PLCE1: variants seen among roughly 807,000 people sequenced by gnomAD.
PLCE1 encodes 1-phosphatidylinositol 4,5-bisphosphate phosphodiesterase epsilon-1.
Under a neutral mutation model 242.8 loss-of-function variants are expected in PLCE1, and 119 were observed. The observed-to-expected ratio is 0.49, with a 90% CI of 0.42 to 0.57. The LOEUF (loss-of-function observed/expected upper bound fraction) is 0.57, where lower values mean the gene tolerates loss of function less well. Ranked by LOEUF, PLCE1 falls within the 20% of genes least tolerant of loss-of-function variation. The pLI, the probability that PLCE1 is intolerant of heterozygous loss-of-function variation, is 0.00. For missense variants in PLCE1, 2,441 were observed against 2,788.8 expected, an observed-to-expected ratio of 0.88 and a Z score of 2.81; for synonymous variants, 945 against 1,017.4, an observed-to-expected ratio of 0.93 and a Z score of 1.35.
chr10:93,998,907 G>A (rs2060879958), intron 1 of PLCE1, among the ~76,000 whole-genome samples: 1 of 152,172 alleles, frequency 6.6e-6, no homozygotes, highest in Admixed American at 6.5e-5. Context: ...AGTGTTCTTA[G>A]AAGAAGGAGA....
rs1219781383 is a variant in PLCE1 at position 94,306,608 on chromosome 10, T to G, written c.5804T>G (p.Phe1935Cys). 2 of 1,613,930 alleles carry G rather than the reference T, an allele frequency of 1.2e-6. No homozygotes were observed. The highest frequency in any genetic ancestry group is 1.7e-6 in the Non-Finnish European group (2 of 1,179,900). The change falls in exon 26 of 33, where the codon TTT becomes TGT. Residue 1935 changes from phenylalanine to cysteine, a missense_variant. Around this residue, in one of 5 missense-constraint regions of PLCE1, gnomAD observed 1,004 missense variants for 1,322.7 expected, o/e 0.76. Transcript: ENST00000371380. The surrounding 1 kb of genome is among the most constrained non-coding windows in gnomAD (Gnocchi z 5.7). ...CACGTTCACTTCGAAGATCTTGTAT[T>G]TCTTCGTTTTGCAGTTGTGGAAAAC... ...LFHVHFEDLV[F>C]LRFAVVENNS...
intron 1 of PLCE1, among the ~76,000 whole-genome samples, chr10:94,020,126 G>A (rs2061351324): frequency 6.6e-6 from 1 of 152,178 alleles, no homozygotes; most frequent in Non-Finnish European, 1.5e-5. Context: ...ATTCTGACCA[G>A]CAATGTTGCA....
chr10:94,074,164 A>G (rs1055201162), intron 2 of PLCE1, among the ~76,000 whole-genome samples: 5 of 150,316 alleles, frequency 3.3e-5, no homozygotes, highest in Admixed American at 6.6e-5. Flanking sequence ...AATTTTTTTC[A>G]TAATGTATCA....
chr10:94,259,586 AC>A (rs2051223854), intron 13 of PLCE1, among the ~76,000 whole-genome samples: 1 of 152,136 alleles, frequency 6.6e-6, no homozygotes, highest in South Asian at 2.1e-4. Flanking sequence ...CCTGGCCAAC[AC>A]TTAGAGAATT....
At chr10:94,002,440 ACCATGCTGT>A (rs1302335437) in intron 1 of PLCE1, among the ~76,000 whole-genome samples, 1 of 152,166 alleles carries the variant, frequency 6.6e-6, no homozygotes, top group African/African-American at 2.4e-5. Context: ...CTCATTTCTC[ACCATGCTGT>A]CTATTTCTAA....
At chr10:94,316,505 GT>G in intron 28 of PLCE1, 41 bp from the exon 29 acceptor site, 1 of 1,306,244 alleles carries the variant, frequency 7.7e-7, no homozygotes, top group Non-Finnish European at 1.1e-6. Flanking sequence ...TTTGTTTTAA[GT>G]TTTTGCCTCA....
At chr10:94,219,564 C>G (rs2049651445) in intron 4 of PLCE1, among the ~76,000 whole-genome samples, 1 of 152,112 alleles carries the variant, frequency 6.6e-6, no homozygotes. Context: ...TGGTGTAGGT[C>G]ATATGACAAT....
intron 5 of PLCE1, among the ~76,000 whole-genome samples, chr10:94,228,918 A>G (rs1199628967): frequency 6.6e-6 from 1 of 152,210 alleles, no homozygotes; most frequent in African/African-American, 2.4e-5. Context: ...ACGGTGGCTC[A>G]TGCCTGTAAT....
At chr10:94,010,163 C>T (rs1412887105) in intron 1 of PLCE1, among the ~76,000 whole-genome samples, 4 of 152,236 alleles carry the variant, frequency 2.6e-5, no homozygotes, top group African/African-American at 9.6e-5. Flanking sequence ...CACCTGCACA[C>T]TTAACACCGC....
chr10:94,149,931 A>G (rs537249365), intron 3 of PLCE1, among the ~76,000 whole-genome samples: 1 of 152,230 alleles, frequency 6.6e-6, no homozygotes, highest in Admixed American at 6.5e-5. Flanking sequence ...ATCTTCTTGT[A>G]TTTTTTATAT....
chr10:94,297,358 T>A (rs1227429934), intron 23 of PLCE1, among the ~76,000 whole-genome samples: 1 of 152,046 alleles, frequency 6.6e-6, no homozygotes, highest in Non-Finnish European at 1.5e-5. Context: ...ATTTGTCAAT[T>A]AAGTTTACCA....
chr10:94,007,763 A>G (rs1235750568), intron 1 of PLCE1, among the ~76,000 whole-genome samples: 9 of 49,788 alleles, frequency 1.8e-4, no homozygotes, highest in African/African-American at 8.5e-4. Flanking sequence ...ACTTTTTTCT[A>G]TGTATTTACA....
intron 4 of PLCE1, among the ~76,000 whole-genome samples, chr10:94,222,941 C>T (rs1031610544): frequency 1.3e-5 from 2 of 152,030 alleles, no homozygotes; most frequent in African/African-American, 4.8e-5. Flanking sequence ...AGTGTGCAGC[C>T]TATGGACAGG....
Position 94,224,195 on chromosome 10 carries a change from T to G in PLCE1, c.1810-3111T>G, listed in dbSNP as rs577722826. 7.9e-5 allele frequency among the ~76,000 whole-genome samples: 12 copies of G among 152,242 alleles called. 1 individual carries two copies. The East Asian group carries it at 1.2e-3, about 15-fold the overall frequency. ...CAACCAGGGCCCTGGGGACTCACACTCGGCAATGGAACAGTTGGTTTAAAT... is the reference window on the plus strand; with the variant it reads ...CAACCAGGGCCCTGGGGACTCACACGCGGCAATGGAACAGTTGGTTTAAAT... On this transcript the variant is annotated intron_variant, in intron 4 of 32. Transcript: ENST00000371380.
At chr10:94,287,688 C>T (rs2052503831) in intron 22 of PLCE1, among the ~76,000 whole-genome samples, 1 of 151,868 alleles carries the variant, frequency 6.6e-6, no homozygotes, top group East Asian at 1.9e-4. Flanking sequence ...TTCTCGGTTG[C>T]ATTTAGTACT....
intron 4 of PLCE1, among the ~76,000 whole-genome samples, chr10:94,172,859 G>A (rs1378441329): frequency 6.6e-6 from 1 of 152,130 alleles, no homozygotes; most frequent in African/African-American, 2.4e-5. Flanking sequence ...TCTAACTGTA[G>A]CTCACTTTGC....
chr10:94,203,693 A>T (rs555666600), intron 4 of PLCE1, among the ~76,000 whole-genome samples: 109 of 152,318 alleles, frequency 7.2e-4, no homozygotes, highest in African/African-American at 1.2e-3. Flanking sequence ...AAATAAAAAG[A>T]GGTGAGAACA....
chr10:94,276,746 G>A lies in PLCE1; in HGVS notation c.4665+3026G>A, dbSNP rs913328062. ...TTTTCTAAGTTCTCACAAACCAAGT[G>A]ATTAATACCCCATCATGAAATTTTG... is the stretch of plus-strand genomic sequence containing the variant. On this transcript the variant is annotated intron_variant, in intron 19 of 32. Transcript: ENST00000371380. 3.3e-5 allele frequency among the ~76,000 whole-genome samples: 5 copies of A among 152,110 alleles called. No individual in the cohort carries two copies. The East Asian group carries it at 9.6e-4, about 29-fold the overall frequency.
At position 94,069,461 on chromosome 10, in the gene PLCE1, A is replaced by C. The variant is rs373215452; in HGVS notation, c.1206+37209A>C. ...TTAAAAATACATGCACACACACACA[A>C]AAATAACCAGGAGTGGTGGCACATG... On this transcript the variant is annotated intron_variant, in intron 2 of 32. Coordinates refer to ENST00000371380, the MANE Select transcript of PLCE1 (RefSeq NM_016341.4). Among the ~76,000 whole-genome samples, 12 of 152,194 alleles carry C rather than the reference A, an allele frequency of 7.9e-5. No individual in the cohort carries two copies. The East Asian group carries it at 1.9e-3, about 25-fold the overall frequency.
Sources: allele counts gnomAD v4.1 joint callset (sites outside exome capture counted in the v4.1 genomes callset), GRCh38; gene constraint gnomAD v4.1.1; regional missense constraint gnomAD v4.1.1; non-coding constraint Gnocchi (gnomAD v3.1); transcripts MANE v1.5; gene names NCBI Gene and HGNC (gene_info 2026-07-23, HGNC 2026-07-21).